TBC1D32: variants seen among roughly 807,000 people sequenced by gnomAD.
TBC1D32 encodes the protein protein broad-minded.
TBC1D32 carries 151 observed loss-of-function variants against 170.3 expected under a neutral mutation model. The ratio of observed to expected loss-of-function variants is 0.89; its 90% CI spans 0.78 to 1.01. TBC1D32 has a LOEUF of 1.01. TBC1D32 is among the 50% of genes least tolerant of loss of function. TBC1D32 has a pLI of 0.00. For missense variants in TBC1D32, 1,464 were observed against 1,457.1 expected (o/e 1.00, Z -0.08); for synonymous variants, 498 against 488.0 (o/e 1.02, Z -0.27).
chr6:121,204,863 T>C (rs1034300835), intron 22 of TBC1D32, among the ~76,000 whole-genome samples: 7 of 152,136 alleles, frequency 4.6e-5, no homozygotes, highest in African/African-American at 1.7e-4. Context: ...GACACTATAA[T>C]AATATAGAAT....
At chr6:121,097,296 CATCT>C (rs1777529546) in intron 30 of TBC1D32, among the ~76,000 whole-genome samples, 1 of 152,040 alleles carries the variant, frequency 6.6e-6, no homozygotes, top group Admixed American at 6.6e-5. Flanking sequence ...GCAATCTATC[CATCT>C]GACAGAGGGC....
intron 2 of TBC1D32, among the ~76,000 whole-genome samples, chr6:121,318,804 C>T (rs78088208): frequency 0.033 from 4,920 of 150,186 alleles, 189 homozygotes; most frequent in East Asian, 0.12. Context: ...CATATATACA[C>T]GTATTTATTA....
At position 121,160,014 on chromosome 6, in the gene TBC1D32, T is replaced by A; in HGVS notation, c.2769A>T (p.Lys923Asn). Reference protein sequence around the residue: ...LSDITRNAGIKQDNDLDKLLL... With the variant: ...LSDITRNAGINQDNDLDKLLL... ...ATTTGATGGTAAATATTTTACCTTGTTTTATACCAGCATTTCTTGTAATGT... is the reference window on the plus strand; with the variant it reads ...ATTTGATGGTAAATATTTTACCTTGATTTATACCAGCATTTCTTGTAATGT... The change falls in exon 24 of 32, where the codon AAA becomes AAT. Residue 923 changes from lysine (K) to asparagine (N), a missense_variant. Coordinates refer to ENST00000398212, the MANE Select transcript of TBC1D32 (RefSeq NM_152730.6). 6.3e-7 allele frequency: 1 copy of A among 1,593,530 alleles called. No homozygotes were observed. Among genetic ancestry groups the A allele is most frequent in the Non-Finnish European group, 8.6e-7 (1 of 1,162,824 alleles).
intron 24 of TBC1D32, among the ~76,000 whole-genome samples, chr6:121,149,105 G>T (rs1783863505): frequency 6.6e-6 from 1 of 151,640 alleles, no homozygotes; most frequent in Non-Finnish European, 1.5e-5. Flanking sequence ...TGATGGGGTT[G>T]GTTTTTTTCT....
Position 121,115,164 on chromosome 6 carries a change from T to C in TBC1D32, c.3053+8A>G, listed in dbSNP as rs747860332. The C allele has an allele frequency of 6.3e-7, 1 of 1,589,138 alleles. No individual in the cohort carries two copies. Among genetic ancestry groups the C allele is most frequent in the Admixed American group, 1.7e-5 (1 of 57,620 alleles). ...AATGCACAAGGGAGCTATTTCCCTA[T>C]AATATACCTGACAGTCATTTTAATG... On this transcript the variant is annotated splice_region_variant and intron_variant, in intron 27 of 31. Transcript: ENST00000398212.
At position 121,304,378 on chromosome 6, in the gene TBC1D32, G is replaced by A. The variant is rs752518415; in HGVS notation, c.922C>T (p.Arg308Cys). The A allele has an allele frequency of 1.3e-5, 21 of 1,613,246 alleles. No individual in the cohort carries two copies. The highest frequency in any genetic ancestry group is 1.6e-4 in the Middle Eastern group (1 of 6,070). ...YQKEAPSFWI[R>C]HPEKYMEEIV... is the part of the protein sequence containing the mutation. Reference sequence around the variant, plus strand: ...GAGGGGACTTACTTCTCTGGATGACGAATCCAGAAAGATGGAGCTTCTTTC... The same window carrying A: ...GAGGGGACTTACTTCTCTGGATGACAAATCCAGAAAGATGGAGCTTCTTTC... The change falls in exon 8 of 32, where the codon CGT becomes TGT. Residue 308 changes from arginine (R) to cysteine (C), a missense_variant. Arg to Cys is a radical substitution (Grantham distance 180, BLOSUM62 -3). Coordinates refer to ENST00000398212, the MANE Select transcript of TBC1D32 (RefSeq NM_152730.6).
chr6:121,183,159 G>GT (rs1209133617), intron 22 of TBC1D32, among the ~76,000 whole-genome samples: 1 of 152,020 alleles, frequency 6.6e-6, no homozygotes, highest in African/African-American at 2.4e-5. Context: ...CAGTCTTACA[G>GT]TAGGCATTAT....
rs767889146 is a variant in TBC1D32 at position 121,279,118 on chromosome 6, T to C, written c.1733+3A>G. The stretch of plus-strand genomic sequence containing the variant: ...AATTATCCGGATTTAAAATAGCACA[T>C]ACCTTTCTTCAGAAGAGTTCATATT... On this transcript the variant is annotated splice_donor_region_variant and intron_variant, in intron 15 of 31. Coordinates refer to ENST00000398212, the MANE Select transcript of TBC1D32 (RefSeq NM_152730.6). 9.4e-6 allele frequency: 15 copies of C among 1,589,714 alleles called. No individual in the cohort carries two copies. Among genetic ancestry groups the C allele is most frequent in the African/African-American group, 2.7e-5 (2 of 73,180 alleles).
In TBC1D32 at chr6:121,281,529, G is replaced by T; in HGVS notation, c.1608+15C>A. 6.3e-7 allele frequency: 1 copy of T among 1,596,526 alleles called. No individual in the cohort carries two copies. The highest frequency in any genetic ancestry group is 1.7e-5 in the Admixed American group (1 of 57,598). The stretch of plus-strand genomic sequence containing the variant: ...AGGTAAGAGACTCTTTTTCTCCTTA[G>T]TAAATAATACGAACCTCATTTCCTT... On this transcript the variant is annotated intron_variant, in intron 14 of 31. Coordinates refer to ENST00000398212, the MANE Select transcript of TBC1D32 (RefSeq NM_152730.6).
intron 22 of TBC1D32, among the ~76,000 whole-genome samples, chr6:121,184,709 G>A (rs1562811656): frequency 6.6e-6 from 1 of 151,888 alleles, no homozygotes; most frequent in South Asian, 2.1e-4. Context: ...CTTCTGACAA[G>A]GTGCAATACG....
chr6:121,318,034 T>C (rs559407983), intron 2 of TBC1D32, among the ~76,000 whole-genome samples: 1 of 152,168 alleles, frequency 6.6e-6, no homozygotes, highest in African/African-American at 2.4e-5. Context: ...GGCTATTTTA[T>C]ACATCACCTT....
At chr6:121,173,965 G>C (rs576015564) in intron 22 of TBC1D32, among the ~76,000 whole-genome samples, 1 of 151,158 alleles carries the variant, frequency 6.6e-6, no homozygotes, top group South Asian at 2.1e-4. Flanking sequence ...TAAAAAAAAA[G>C]TTGCCTTTAA....
intron 20 of TBC1D32, among the ~76,000 whole-genome samples, chr6:121,226,928 GC>G (rs1219119940): frequency 1.4e-5 from 2 of 147,724 alleles, no homozygotes; most frequent in African/African-American, 5.4e-5. Context: ...GGCTTCTGAA[GC>G]CAAGTCTCAC....
chr6:121,128,654 T>C (rs112870834), intron 25 of TBC1D32, among the ~76,000 whole-genome samples: 2,182 of 152,246 alleles, frequency 0.014, 14 homozygotes, highest in Middle Eastern at 0.031. Flanking sequence ...TTTCCTGGGG[T>C]AGGAATACGA....
At chr6:121,177,571 T>C (rs935105412) in intron 22 of TBC1D32, among the ~76,000 whole-genome samples, 1 of 152,066 alleles carries the variant, frequency 6.6e-6, no homozygotes, top group African/African-American at 2.4e-5. Context: ...AAATTTAGAG[T>C]CAGGAAAGAT....
intron 30 of TBC1D32, among the ~76,000 whole-genome samples, chr6:121,104,449 G>T (rs1778481086): frequency 6.6e-6 from 1 of 151,614 alleles, no homozygotes; most frequent in Admixed American, 6.6e-5. Context: ...ACGATAACAT[G>T]CTGGATAAAT....
At chr6:121,207,109 G>T (rs926440828) in intron 21 of TBC1D32, among the ~76,000 whole-genome samples, 1 of 152,092 alleles carries the variant, frequency 6.6e-6, no homozygotes, top group African/African-American at 2.4e-5. Flanking sequence ...TTAGAGAAAT[G>T]ACCTATTATC....
intron 22 of TBC1D32, among the ~76,000 whole-genome samples, chr6:121,200,181 C>A (rs946347726): frequency 6.6e-6 from 1 of 151,028 alleles, no homozygotes; most frequent in Non-Finnish European, 1.5e-5. Flanking sequence ...TTTAGAAGGA[C>A]AATATTAACA....
intron 1 of TBC1D32, among the ~76,000 whole-genome samples, chr6:121,324,175 T>C (rs1810145299): frequency 6.6e-6 from 1 of 152,174 alleles, no homozygotes; most frequent in Admixed American, 6.5e-5. Flanking sequence ...TCAGAAGTGT[T>C]ATAAGATATT....
Sources: gnomAD v4.1 joint callset for allele counts (sites outside exome capture counted in the v4.1 genomes callset) on GRCh38, gnomAD v4.1.1 for gene constraint, MANE v1.5 for transcripts, NCBI Gene and HGNC (gene_info 2026-07-23, HGNC 2026-07-21) for gene names.